Variants in CEP290 observed in about 807,000 individuals in gnomAD.
CEP290 encodes the protein centrosomal protein 290.
CEP290 carries 317 observed loss-of-function variants against 344.9 expected under a neutral mutation model. The observed-to-expected ratio is 0.92, with a 90% CI of 0.84 to 1.01. CEP290 has a LOEUF of 1.01. CEP290 is among the 50% of genes least tolerant of loss of function. CEP290 has a pLI of 0.00. For synonymous variants in CEP290, 932 were observed against 895.8 expected, an observed-to-expected ratio of 1.04 and a Z score of -0.72; for missense variants, 2,754 against 2,761.4, an observed-to-expected ratio of 1.00 and a Z score of 0.06.
chr12:88,084,062 G>A (rs1481874641), intron 35 of CEP290, 108 bp from the exon 36 acceptor site: 5 of 706,958 alleles, frequency 7.1e-6, no homozygotes, highest in Non-Finnish European at 1.2e-5. Context: ...CCTTTGAGAT[G>A]AGGAAGAAAC....
chr12:88,111,432 C>T, intron 21 of CEP290, 81 bp from the exon 22 acceptor site: 2 of 1,324,000 alleles, frequency 1.5e-6, no homozygotes, highest in Non-Finnish European at 2.0e-6. Context: ...GAATGCCCTG[C>T]CAGGAATTTT....
In CEP290 at chr12:88,083,327, TATCTA is replaced by T. The variant is rs561258477; in HGVS notation, c.4813-102_4813-98del. 107 of 637,744 alleles carry T rather than the reference TATCTA, an allele frequency of 1.7e-4. 1 individual carries two copies. In the African/African-American group the frequency reaches 1.8e-3, roughly 11 times the overall value. 39.5% of individuals were successfully genotyped at this position (637,744 alleles called of 1,614,324 possible). A position where few individuals can be genotyped will look rare whatever the true frequency, so the allele number is the denominator to read the frequency against. ...GGTTCCTCAAATGATCAAAATATAA[TATCTA>T]ATCTAAAATGTAATGATTTAATAGG... On this transcript the variant is annotated intron_variant, in intron 36 of 53. Transcript: ENST00000552810.
chr12:88,083,232 T>C lies in CEP290; in HGVS notation c.4813-2A>G, dbSNP rs369523378. The C allele has an allele frequency of 8.3e-5, 120 of 1,442,580 alleles. No individual in the cohort carries two copies. In the African/African-American group the frequency reaches 1.5e-3, roughly 18 times the overall value. 89.4% of individuals were successfully genotyped at this position (1,442,580 alleles called of 1,614,324 possible). On this transcript the variant is annotated splice_acceptor_variant, in intron 36 of 53. Coordinates refer to ENST00000552810, the MANE Select transcript of CEP290 (RefSeq NM_025114.4). LOFTEE classifies it high-confidence loss of function. The stretch of plus-strand genomic sequence containing the variant: ...AGTGGGAGACTGTTTCATTAAATCC[T>C]ATAAAATATGAATATATTAGCAATA...
In CEP290 at chr12:88,062,674, T is replaced by C. The variant is rs1339716612; in HGVS notation, c.6357+18A>G. 1.3e-6 allele frequency: 2 copies of C among 1,551,774 alleles called. No homozygotes were observed. Among genetic ancestry groups the C allele is most frequent in the Admixed American group, 1.7e-5 (1 of 57,614 alleles). On this transcript the variant is annotated intron_variant, in intron 46 of 53. Coordinates refer to ENST00000552810, the MANE Select transcript of CEP290 (RefSeq NM_025114.4). Reference sequence around the variant, plus strand: ...CACTGCTGAAACCAAAACAAATGTATGGTAAATTCTCACATACCCCTCTAA... The same window carrying C: ...CACTGCTGAAACCAAAACAAATGTACGGTAAATTCTCACATACCCCTCTAA...
At chr12:88,130,449 T>TA (rs2039996686) in intron 8 of CEP290, 29 bp from the exon 9 acceptor site, 1 of 1,599,798 alleles carries the variant, frequency 6.3e-7, no homozygotes, top group East Asian at 2.2e-5. Context: ...AACATTCAAT[T>TA]ACAAAACTAT....
At position 88,049,355 on chromosome 12, in the gene CEP290, T is replaced by C; in HGVS notation, c.7269A>G (p.Glu2423=). ...LENFDPSFFE[E]IEDLKYNYKE... ...TGTAATTATACTTAAGATCTTCAAT[T>C]TCTTCAAAAAATGAAGGATCAAAAT... The change falls in exon 54 of 54, where the codon GAA becomes GAG. Residue 2423 remains glutamate, a synonymous_variant. Coordinates refer to ENST00000552810, the MANE Select transcript of CEP290 (RefSeq NM_025114.4). 1 of 1,574,226 alleles carries C rather than the reference T, an allele frequency of 6.4e-7. No homozygotes were observed. Among genetic ancestry groups the C allele is most frequent in the South Asian group, 1.2e-5 (1 of 85,270 alleles).
At chr12:88,133,040 C>T (rs1250462299) in intron 6 of CEP290, among the ~76,000 whole-genome samples, 1 of 150,864 alleles carries the variant, frequency 6.6e-6, no homozygotes, top group African/African-American at 2.4e-5. Context: ...ACCTCCATCC[C>T]ATGTCCCTGC....
chr12:88,087,645 G>A (rs1257427029), intron 32 of CEP290, 135 bp downstream of exon 32: 6 of 312,528 alleles, frequency 1.9e-5, no homozygotes, highest in Middle Eastern at 9.2e-4. Flanking sequence ...GCATGAACCC[G>A]GGAGGCAGAG....
intron 29 of CEP290, among the ~76,000 whole-genome samples, chr12:88,092,408 A>C (rs771118390): frequency 2.0e-5 from 3 of 152,090 alleles, no homozygotes; most frequent in Non-Finnish European, 4.4e-5. Context: ...CAAAAAATCA[A>C]TATGTGGAGG....
At position 88,137,264 on chromosome 12, in the gene CEP290, G is replaced by A. The variant is rs533718336; in HGVS notation, c.298-478C>T. Among the ~76,000 whole-genome samples the A allele has an allele frequency of 1.7e-3, 260 of 152,288 alleles. 1 individual carries two copies. Among genetic ancestry groups the A allele is most frequent in the Middle Eastern group, 3.4e-3 (1 of 294 alleles). On this transcript the variant is annotated intron_variant, in intron 5 of 53. Transcript: ENST00000552810. ...GTGCTGTCCAGTTCAATAGCCACTCGCTACATGTAGCTATGTTCGGGCATT... is the reference window on the plus strand; with the variant it reads ...GTGCTGTCCAGTTCAATAGCCACTCACTACATGTAGCTATGTTCGGGCATT...
intron 44 of CEP290, among the ~76,000 whole-genome samples, chr12:88,064,919 C>T (rs2468244): frequency 0.78 from 118,649 of 152,006 alleles, 50,375 homozygotes; most frequent in East Asian, 0.96. Flanking sequence ...TTTACTCCTT[C>T]GGAAAGCCCT....
At chr12:88,061,727 T>C (rs373754330) in intron 46 of CEP290, among the ~76,000 whole-genome samples, 2 of 152,128 alleles carry the variant, frequency 1.3e-5, no homozygotes, top group African/African-American at 2.4e-5. Flanking sequence ...CATATTTTCA[T>C]TGATGAAACA....
rs2040519029 is a variant in CEP290, at chr12:88,139,486, G to C, written c.250+9C>G. ...TAATACCATAATAAACTTTTTCCAA[G>C]GTGCTTACCAAATTTTGCTTGTTCT... On this transcript the variant is annotated intron_variant, in intron 4 of 53. Coordinates refer to ENST00000552810, the MANE Select transcript of CEP290 (RefSeq NM_025114.4). 3 of 1,592,028 alleles carry C rather than the reference G, an allele frequency of 1.9e-6. No homozygotes were observed. Among genetic ancestry groups the C allele is most frequent in the Non-Finnish European group, 2.6e-6 (3 of 1,169,776 alleles).
At chr12:88,069,456 CA>C (rs1316066444) in intron 43 of CEP290, among the ~76,000 whole-genome samples, 1 of 151,870 alleles carries the variant, frequency 6.6e-6, no homozygotes, top group Non-Finnish European at 1.5e-5. Flanking sequence ...GTAAAACCTG[CA>C]AAGAAGAATA....
chr12:88,115,415 G>T, intron 18 of CEP290: 2 of 1,085,120 alleles, frequency 1.8e-6, no homozygotes, highest in African/African-American at 1.6e-5. Context: ...GAGGCAAAAA[G>T]ATATAACGGT....
intron 52 of CEP290, among the ~76,000 whole-genome samples, chr12:88,053,122 T>A (rs2033697117): frequency 1.3e-5 from 2 of 152,152 alleles, no homozygotes. Flanking sequence ...ATTGTACATA[T>A]GAACATACAA....
chr12:88,128,216 T>G (rs981053099), intron 11 of CEP290, among the ~76,000 whole-genome samples: 3 of 152,108 alleles, frequency 2.0e-5, no homozygotes, highest in African/African-American at 7.2e-5. Context: ...TATGGAGACA[T>G]GACTGATTCT....
At chr12:88,098,034 CGG>C (rs2037568332) in intron 26 of CEP290, among the ~76,000 whole-genome samples, 1 of 152,070 alleles carries the variant, frequency 6.6e-6, no homozygotes, top group Non-Finnish European at 1.5e-5. Context: ...TGGCCGATTA[CGG>C]TGGCTCACAC....
intron 6 of CEP290, chr12:88,135,816 G>A (rs141722366): frequency 4.1e-4 from 62 of 152,138 alleles, no homozygotes; most frequent in African/African-American, 1.4e-3. Context: ...GGTGGAAAAC[G>A]TTTCTGAGTA....
Sources: allele counts gnomAD v4.1 joint callset (sites outside exome capture counted in the v4.1 genomes callset), GRCh38; gene constraint gnomAD v4.1.1; transcripts MANE v1.5; gene names NCBI Gene and HGNC (gene_info 2026-07-23, HGNC 2026-07-21).